ARHGAP28: variants seen among roughly 807,000 people sequenced by gnomAD.
ARHGAP28 encodes rho GTPase-activating protein 28.
Under a neutral mutation model 90.7 loss-of-function variants are expected in ARHGAP28, and 56 were observed. The ratio of observed to expected loss-of-function variants is 0.62; its 90% CI spans 0.50 to 0.77. The LOEUF (loss-of-function observed/expected upper bound fraction) is 0.77. Among genes scored for constraint, ARHGAP28 ranks in the 30% least tolerant of loss-of-function variants. The pLI is 0.00. For synonymous variants in ARHGAP28, 308 were observed against 323.3 expected, an observed-to-expected ratio of 0.95 and a Z score of 0.51; for missense variants, 869 against 900.9, an observed-to-expected ratio of 0.96 and a Z score of 0.45.
chr18:6,765,005 G>T (rs1158986953), intron 1 of ARHGAP28, among the ~76,000 whole-genome samples: 2 of 152,090 alleles, frequency 1.3e-5, no homozygotes, highest in East Asian at 3.9e-4. Context: ...ATTGCTACAG[G>T]CTTTAGCAGT....
chr18:6,771,271 T>C (rs1483054150), intron 1 of ARHGAP28, among the ~76,000 whole-genome samples: 1 of 152,086 alleles, frequency 6.6e-6, no homozygotes, highest in Non-Finnish European at 1.5e-5. Context: ...CTCAAACTCT[T>C]GAGTTCAATT....
intron 1 of ARHGAP28, among the ~76,000 whole-genome samples, chr18:6,818,548 A>C (rs548187733): frequency 6.6e-6 from 1 of 152,276 alleles, no homozygotes; most frequent in East Asian, 1.9e-4. Context: ...TGAGTGCATG[A>C]AGTGTTTATT....
chr18:6,907,057 G>T (rs2057368178), intron 16 of ARHGAP28, among the ~76,000 whole-genome samples: 1 of 152,154 alleles, frequency 6.6e-6, no homozygotes, highest in South Asian at 2.1e-4. Flanking sequence ...ATGAAAAGAT[G>T]TTCAACATCG....
Position 6,912,368 on chromosome 18 carries a change from G to A in ARHGAP28, c.*214G>A, listed in dbSNP as rs2057404130. 1.2e-5 allele frequency: 4 copies of A among 335,816 alleles called. No homozygotes were observed. In the East Asian group the frequency reaches 1.9e-4, roughly 16 times the overall value. 20.8% of individuals were successfully genotyped at this position (335,816 alleles called of 1,614,324 possible). ...TCTCATGACTTTTTTTTTTATAAAA[G>A]TAAAGGAAAGATGATGTGGTCCTTC... On this transcript the variant is annotated 3_prime_UTR_variant, in exon 18 of 18. Coordinates refer to ENST00000383472, the MANE Select transcript of ARHGAP28 (RefSeq NM_001366230.1).
chr18:6,883,468 G>T (rs2057196141), intron 11 of ARHGAP28, among the ~76,000 whole-genome samples: 1 of 151,924 alleles, frequency 6.6e-6, no homozygotes, highest in Admixed American at 6.6e-5. Flanking sequence ...CAAACTCCTA[G>T]CCTCAAGTGA....
intron 1 of ARHGAP28, among the ~76,000 whole-genome samples, chr18:6,801,371 T>C (rs77398749): frequency 0.13 from 19,773 of 152,220 alleles, 1,405 homozygotes; most frequent in Non-Finnish European, 0.15. Context: ...TCTGAGTCTA[T>C]TTGATGGCAG....
intron 1 of ARHGAP28, among the ~76,000 whole-genome samples, 166 bp from the exon 2 acceptor site, chr18:6,824,596 C>G (rs1401821888): frequency 6.6e-6 from 1 of 151,926 alleles, no homozygotes; most frequent in South Asian, 2.1e-4. Context: ...TTTAAAAGGG[C>G]CACCACTGAG....
intron 1 of ARHGAP28, among the ~76,000 whole-genome samples, chr18:6,759,019 C>A (rs190195183): frequency 6.2e-4 from 94 of 152,216 alleles, no homozygotes; most frequent in African/African-American, 1.9e-3. Flanking sequence ...TGAATAAAAT[C>A]CTTGTTTAAA....
Position 6,887,363 on chromosome 18 carries a change from G to A in ARHGAP28, c.1536+124G>A, listed in dbSNP as rs113178922. On this transcript the variant is annotated intron_variant, in intron 12 of 17. Transcript: ENST00000383472. ...CCACCTGAGCATGCTGCAAACACAC[G>A]GCCTTTCTGTGCTCCCACTGCCCTT... 9.7e-4 allele frequency: 764 copies of A among 789,812 alleles called. 7 individuals are homozygous for A. The African/African-American group carries it at 0.012, about 12-fold the overall frequency. 48.9% of individuals were successfully genotyped at this position (789,812 alleles called of 1,614,324 possible). A position where few individuals can be genotyped will look rare whatever the true frequency, so the allele number is the denominator to read the frequency against.
intron 16 of ARHGAP28, among the ~76,000 whole-genome samples, chr18:6,907,315 C>G (rs1464900131): frequency 6.7e-6 from 1 of 149,342 alleles, no homozygotes; most frequent in African/African-American, 2.5e-5. Context: ...GCATTTATCC[C>G]AAAGAAATGA....
chr18:6,792,979 C>T (rs2056416900), intron 1 of ARHGAP28, among the ~76,000 whole-genome samples: 1 of 152,168 alleles, frequency 6.6e-6, no homozygotes, highest in Non-Finnish European at 1.5e-5. Context: ...GTATTTCAAA[C>T]ATTAAGCAAA....
In ARHGAP28 at chr18:6,868,301, G is replaced by A. The variant is rs796621333; in HGVS notation, c.811+67G>A. 7 of 1,388,194 alleles carry A rather than the reference G, an allele frequency of 5.0e-6. 1 individual carries two copies. In the African/African-American group the frequency reaches 7.1e-5, roughly 14 times the overall value. 86.0% of individuals were successfully genotyped at this position (1,388,194 alleles called of 1,614,324 possible). On this transcript the variant is annotated intron_variant, in intron 6 of 17. Transcript: ENST00000383472. ...CGCTTTTGTTCTGGCACTCAATACA[G>A]TTAGCAGTGAATTTCTAAAAGCGAA...
At chr18:6,798,889 T>C (rs901819447) in intron 1 of ARHGAP28, among the ~76,000 whole-genome samples, 1 of 152,234 alleles carries the variant, frequency 6.6e-6, no homozygotes, top group African/African-American at 2.4e-5. Context: ...CATTTAATAT[T>C]TACTCATGTG....
At chr18:6,801,430 T>C (rs1228370651) in intron 1 of ARHGAP28, among the ~76,000 whole-genome samples, 2 of 152,194 alleles carry the variant, frequency 1.3e-5, no homozygotes, top group African/African-American at 4.8e-5. Context: ...TTGAGACACA[T>C]AATATAAGTG....
At position 6,841,144 on chromosome 18, in the gene ARHGAP28, G is replaced by GTCTCTCTCCTCTTTC. The variant is rs1195586572; in HGVS notation, c.543+3743_543+3757dup. Among the ~76,000 whole-genome samples the GTCTCTCTCCTCTTTC allele has an allele frequency of 2.4e-3, 199 of 83,100 alleles. 2 individuals are homozygous for GTCTCTCTCCTCTTTC. The highest frequency in any genetic ancestry group is 7.9e-3 in the Middle Eastern group (1 of 126). 54.5% of individuals were successfully genotyped at this position (83,100 alleles called of 152,430 possible). A position where few individuals can be genotyped will look rare whatever the true frequency, so the allele number is the denominator to read the frequency against. ...TTCTCTCTCTCTCTCCTCTCTCACT[G>GTCTCTCTCCTCTTTC]TCTCTCTCCTCTTTCTCTCTCTCCT... is the stretch of plus-strand genomic sequence containing the variant. On this transcript the variant is annotated intron_variant, in intron 3 of 17. Coordinates refer to ENST00000383472, the MANE Select transcript of ARHGAP28 (RefSeq NM_001366230.1).
At chr18:6,892,140 A>C (rs1254584050) in intron 14 of ARHGAP28, among the ~76,000 whole-genome samples, 1 of 152,178 alleles carries the variant, frequency 6.6e-6, no homozygotes, top group East Asian at 1.9e-4. Flanking sequence ...CACATAATAT[A>C]AAATTCACTA....
At position 6,811,655 on chromosome 18, in the gene ARHGAP28, G is replaced by A. The variant is rs536318496; in HGVS notation, c.123-13107G>A. ...CCTTCTAGAGTTTTTAACATTACAC[G>A]TCTATTTTTTTTTCTACTACAATGT... On this transcript the variant is annotated intron_variant, in intron 1 of 17. Transcript: ENST00000383472. 8.2e-4 allele frequency among the ~76,000 whole-genome samples: 124 copies of A among 152,048 alleles called. 1 individual carries two copies. Among genetic ancestry groups the A allele is most frequent in the African/African-American group, 2.8e-3 (115 of 41,498 alleles).
At chr18:6,819,528 G>A (rs192164138) in intron 1 of ARHGAP28, among the ~76,000 whole-genome samples, 21 of 152,240 alleles carry the variant, frequency 1.4e-4, no homozygotes, top group African/African-American at 4.6e-4. Flanking sequence ...CTAGGTGGAG[G>A]GACTCTACCG....
intron 14 of ARHGAP28, among the ~76,000 whole-genome samples, chr18:6,890,757 C>G (rs1373216672): frequency 1.3e-5 from 2 of 152,248 alleles, no homozygotes; most frequent in African/African-American, 4.8e-5. Context: ...GGTTAAAGTT[C>G]TTGAAATATC....
Sources: gnomAD v4.1 joint callset for allele counts (sites outside exome capture counted in the v4.1 genomes callset) on GRCh38, gnomAD v4.1.1 for gene constraint, MANE v1.5 for transcripts, NCBI Gene and HGNC (gene_info 2026-07-23, HGNC 2026-07-21) for gene names.